Variants in FRMD5 observed in about 807,000 individuals in gnomAD.
FRMD5 encodes the protein FERM domain containing 5.
A neutral mutation model predicts 69.0 loss-of-function variants in FRMD5; 20 were observed. The observed-to-expected ratio is 0.29, with a 90% CI of 0.20 to 0.42. FRMD5 has a LOEUF of 0.42. Among genes scored for constraint, FRMD5 ranks in the 10% least tolerant of loss-of-function variants. The probability of loss-of-function intolerance (pLI) is 1.00; values close to 1 mark genes in which losing one functional copy is unlikely to be tolerated. For missense variants in FRMD5, 595 were observed against 708.6 expected, an observed-to-expected ratio of 0.84 and a Z score of 1.82; for synonymous variants, 271 against 260.1, an observed-to-expected ratio of 1.04 and a Z score of -0.40.
intron 1 of FRMD5, among the ~76,000 whole-genome samples, chr15:44,135,068 G>C (rs1052538060): frequency 6.6e-6 from 1 of 152,156 alleles, no homozygotes; most frequent in African/African-American, 2.4e-5. Context: ...CCTGCTAGGA[G>C]GCTACAAGTT....
chr15:44,107,465 A>G (rs771498825), intron 1 of FRMD5, among the ~76,000 whole-genome samples: 9 of 152,158 alleles, frequency 5.9e-5, no homozygotes, highest in Admixed American at 1.3e-4. Flanking sequence ...CACAACTCCC[A>G]TCTTTTTATC....
intron 13 of FRMD5, among the ~76,000 whole-genome samples, chr15:43,883,260 G>C (rs2088580632): frequency 6.6e-6 from 1 of 152,014 alleles, no homozygotes; most frequent in Admixed American, 6.6e-5. Context: ...ACCACGCCCA[G>C]CTAGTTTTTG....
rs112866369 is a variant in FRMD5, at chr15:43,952,736, C to T, written c.103-28427G>A. Among the ~76,000 whole-genome samples, 972 of 152,328 alleles carry T rather than the reference C, an allele frequency of 6.4e-3. 13 individuals are homozygous for T. The highest frequency in any genetic ancestry group is 0.022 in the African/African-American group (924 of 41,574). The stretch of plus-strand genomic sequence containing the variant: ...CATGTGTGGCCAGTATGCAGCCATG[C>T]GGTCAGCACGCAGCTTTTGTCAGAG... On this transcript the variant is annotated intron_variant, in intron 1 of 13. Transcript: ENST00000417257.
intron 1 of FRMD5, among the ~76,000 whole-genome samples, chr15:44,167,215 A>G (rs924580388): frequency 6.6e-6 from 1 of 152,172 alleles, no homozygotes; most frequent in Non-Finnish European, 1.5e-5. Context: ...AAAAAAATTT[A>G]AAATTAGCCA....
chr15:43,963,214 A>G (rs1324360533), intron 1 of FRMD5, among the ~76,000 whole-genome samples: 1 of 152,242 alleles, frequency 6.6e-6, no homozygotes, highest in Non-Finnish European at 1.5e-5. Context: ...TTACAAGAAT[A>G]AAACAAACAA....
At chr15:43,879,386 G>A (rs751588114) in intron 13 of FRMD5, 2 of 397,542 alleles carry the variant, frequency 5.0e-6, no homozygotes, top group Non-Finnish European at 8.9e-6. Flanking sequence ...TGCTGTAAAA[G>A]CCACCACCTG....
chr15:44,182,637 T>C (rs1027944957), intron 1 of FRMD5, among the ~76,000 whole-genome samples: 2 of 152,018 alleles, frequency 1.3e-5, no homozygotes, highest in Middle Eastern at 3.2e-3. Flanking sequence ...ATTTGCATTA[T>C]TTAATAATCA....
chr15:43,902,310 GT>G (rs777722221), intron 6 of FRMD5, 48 bp from the exon 7 acceptor site: 1 of 1,456,738 alleles, frequency 6.9e-7, no homozygotes, highest in East Asian at 2.3e-5. Context: ...GTTCCCACAG[GT>G]TCCCCTGAGG....
At chr15:44,196,386 C>T (rs2078297113), upstream of FRMD5, among the ~76,000 whole-genome samples, 1 of 151,958 alleles carries the variant, frequency 6.6e-6, no homozygotes, top group African/African-American at 2.4e-5. Context: ...ATCGCTTGAA[C>T]CCAGGAGGCA....
chr15:44,194,684 C>A, intron 1 of FRMD5: 1 of 500,690 alleles, frequency 2.0e-6, no homozygotes, highest in East Asian at 4.0e-5. Context: ...CAGGACGGGG[C>A]GCCCTCACCC....
At position 43,885,687 on chromosome 15, in the gene FRMD5, C is replaced by T. The variant is rs906897784; in HGVS notation, c.953G>A (p.Arg318Gln). The change falls in exon 11 of 14, where the codon CGA becomes CAA. Residue 318 changes from arginine to glutamine, a missense_variant. By Grantham distance (43) the Arg-to-Gln change is conservative (BLOSUM62 1). This residue lies in a region of FRMD5 where 176 missense variants were observed against 266.3 expected (regional missense o/e 0.66). Transcript: ENST00000417257. Reference sequence around the variant, plus strand: ...ACTTACTGTCACTATTTACCTGTATCGGAACCGGCTCCCTTTAAAGAATAA... The same window carrying T: ...ACTTACTGTCACTATTTACCTGTATTGGAACCGGCTCCCTTTAAAGAATAA... ...SNLFFKGSRF[R>Q]YSGRVAKEVM... 3.7e-6 allele frequency: 6 copies of T among 1,613,416 alleles called. No homozygotes were observed. The highest frequency in any genetic ancestry group is 5.1e-6 in the Non-Finnish European group (6 of 1,179,466).
intron 1 of FRMD5, among the ~76,000 whole-genome samples, chr15:44,119,640 A>G (rs1406689752): frequency 6.6e-6 from 1 of 152,160 alleles, no homozygotes; most frequent in African/African-American, 2.4e-5. Flanking sequence ...GAGAGAAGGC[A>G]GTTTATGCAT....
At chr15:44,027,338 C>CA (rs1291233743) in intron 1 of FRMD5, among the ~76,000 whole-genome samples, 2 of 151,972 alleles carry the variant, frequency 1.3e-5, no homozygotes, top group Non-Finnish European at 1.5e-5. Flanking sequence ...AAAAAAAACC[C>CA]AAAAAAACTA....
At chr15:43,909,785 A>G (rs2089252522) in intron 5 of FRMD5, 97 bp downstream of exon 5, 3 of 704,646 alleles carry the variant, frequency 4.3e-6, no homozygotes, top group East Asian at 5.5e-5. Flanking sequence ...TGGCCTAGAT[A>G]ATGTTTAGAT....
intron 6 of FRMD5, among the ~76,000 whole-genome samples, chr15:43,905,421 G>A (rs2089147724): frequency 6.6e-6 from 1 of 152,132 alleles, no homozygotes; most frequent in Non-Finnish European, 1.5e-5. Context: ...ACAGCCGTAA[G>A]CCACCGCGCC....
At chr15:44,054,362 G>C (rs1196656724) in intron 1 of FRMD5, among the ~76,000 whole-genome samples, 2 of 152,142 alleles carry the variant, frequency 1.3e-5, no homozygotes, top group African/African-American at 2.4e-5. Flanking sequence ...AGAGCCATTT[G>C]GAACAACTGT....
At chr15:43,875,932 C>T (rs1457006452) in intron 13 of FRMD5, 16 of 1,159,126 alleles carry the variant, frequency 1.4e-5, no homozygotes, top group Non-Finnish European at 1.9e-5. Flanking sequence ...TTATCCATCA[C>T]ACTTATAGGC....
rs140399321 is a variant in FRMD5 at position 44,169,276 on chromosome 15, C to T, written c.102+25677G>A. ...AGGGTATGCTATACCCTATCTTCCA[C>T]AAGGAAAATGTAAAACAGTCCCCTA... On this transcript the variant is annotated intron_variant, in intron 1 of 13. Coordinates refer to ENST00000417257, the MANE Select transcript of FRMD5 (RefSeq NM_032892.5). 3.9e-3 allele frequency among the ~76,000 whole-genome samples: 598 copies of T among 152,088 alleles called. 5 individuals carry two copies. Among genetic ancestry groups the T allele is most frequent in the African/African-American group, 0.013 (559 of 41,468 alleles).
At chr15:44,197,832 GT>G (rs1381648302), upstream of FRMD5, among the ~76,000 whole-genome samples, 1 of 152,156 alleles carries the variant, frequency 6.6e-6, no homozygotes, top group African/African-American at 2.4e-5. Context: ...GTAGGAAAGT[GT>G]TTTTAACAGG....
Sources: allele counts gnomAD v4.1 joint callset (sites outside exome capture counted in the v4.1 genomes callset), GRCh38; gene constraint gnomAD v4.1.1; regional missense constraint gnomAD v4.1.1; transcripts MANE v1.5; gene names NCBI Gene and HGNC (gene_info 2026-07-23, HGNC 2026-07-21).